Variants in ZNF679 observed in about 807,000 individuals in gnomAD.
ZNF679 encodes zinc finger protein 679.
A neutral mutation model predicts 13.4 loss-of-function variants in ZNF679; 10 were observed. The observed-to-expected ratio is 0.75, with a 90% CI of 0.46 to 1.27. The LOEUF is 1.27. Ranked by LOEUF, ZNF679 falls within the 50% of genes most tolerant of loss-of-function variation. The pLI, the probability that ZNF679 is intolerant of heterozygous loss-of-function variation, is 0.00. For missense variants in ZNF679, 525 were observed against 477.8 expected (o/e 1.10, Z -0.92); for synonymous variants, 179 against 162.5 (o/e 1.10, Z -0.77).
In ZNF679 at chr7:64,263,731, C is replaced by G. The variant is rs563229118; in HGVS notation, c.263-2165C>G. 1.1e-4 allele frequency among the ~76,000 whole-genome samples: 16 copies of G among 152,286 alleles called. No individual in the cohort carries two copies. The South Asian group carries it at 3.3e-3, about 32-fold the overall frequency. On this transcript the variant is annotated intron_variant, in intron 4 of 4. Transcript: ENST00000421025. ...ATGTTTGGTTCTTTTTTGCCTTCCACTATAATTGTAAGCTTCCTCATATCC... is the reference window on the plus strand; with the variant it reads ...ATGTTTGGTTCTTTTTTGCCTTCCAGTATAATTGTAAGCTTCCTCATATCC...
chr7:64,249,408 G>T (rs928573800), intron 2 of ZNF679, among the ~76,000 whole-genome samples: 3 of 152,130 alleles, frequency 2.0e-5, no homozygotes, highest in African/African-American at 7.2e-5. Flanking sequence ...GGGCAGCTCT[G>T]CACTCCCAGC....
chr7:64,260,796 A>G (rs1435684676), intron 3 of ZNF679, 38 bp from the exon 4 acceptor site: 2 of 1,570,042 alleles, frequency 1.3e-6, no homozygotes, highest in Non-Finnish European at 1.7e-6. Context: ...TAAAGAATTC[A>G]GCAAGATTTA....
rs544103312 is a variant in ZNF679 at position 64,258,716 on chromosome 7, A to T, written c.40-1505A>T. 3.2e-3 allele frequency among the ~76,000 whole-genome samples: 489 copies of T among 150,816 alleles called. 3 individuals carry two copies. Among genetic ancestry groups the T allele is most frequent in the Non-Finnish European group, 5.8e-3 (390 of 67,710 alleles). On this transcript the variant is annotated intron_variant, in intron 2 of 4. Transcript: ENST00000421025. The stretch of plus-strand genomic sequence containing the variant: ...ATGGTCTCAAAAAAAAAAAAAAAAA[A>T]TGCAGTGTCCACTCTGCCTTTGGAA...
chr7:64,257,064 T>TTAGTTTGAAG (rs1788014019), intron 2 of ZNF679, among the ~76,000 whole-genome samples: 1 of 150,622 alleles, frequency 6.6e-6, no homozygotes, highest in Admixed American at 6.6e-5. Context: ...TTATTTGAAG[T>TTAGTTTGAAG]TAGTTTGAAG....
chr7:64,264,903 A>G (rs559404809), intron 4 of ZNF679, among the ~76,000 whole-genome samples: 2 of 150,790 alleles, frequency 1.3e-5, no homozygotes, highest in Non-Finnish European at 3.0e-5. Flanking sequence ...TTACTTCTAA[A>G]TTTTTTCACT....
intron 2 of ZNF679, 56 bp from the exon 3 acceptor site, chr7:64,260,165 A>G (rs751713219): frequency 3.3e-6 from 5 of 1,493,688 alleles, no homozygotes; most frequent in Non-Finnish European, 3.6e-6. Flanking sequence ...CTACGGCCAC[A>G]TAGTAAGTGT....
chr7:64,245,634 A>T (rs1787859277), intron 1 of ZNF679, among the ~76,000 whole-genome samples: 1 of 152,068 alleles, frequency 6.6e-6, no homozygotes, highest in Non-Finnish European at 1.5e-5. Flanking sequence ...AGGGAGGAAA[A>T]AGCTCCCCTT....
At chr7:64,239,024 C>T (rs990782362) in intron 1 of ZNF679, among the ~76,000 whole-genome samples, 3 of 152,046 alleles carry the variant, frequency 2.0e-5, no homozygotes, top group African/African-American at 7.2e-5. Context: ...TCCAATAAAC[C>T]CCGTGGGTGG....
At chr7:64,253,354 A>T (rs1395549440) in intron 2 of ZNF679, among the ~76,000 whole-genome samples, 1 of 152,172 alleles carries the variant, frequency 6.6e-6, no homozygotes, top group Non-Finnish European at 1.5e-5. Flanking sequence ...AGTCTGCAAA[A>T]GGAGGTTAAT....
chr7:64,246,654 C>T (rs993707242), intron 1 of ZNF679, among the ~76,000 whole-genome samples: 11 of 151,942 alleles, frequency 7.2e-5, no homozygotes, highest in Non-Finnish European at 1.3e-4. Flanking sequence ...ACCCGGGAGG[C>T]AGAGGTTGCA....
At chr7:64,241,717 G>C (rs1300887809) in intron 1 of ZNF679, among the ~76,000 whole-genome samples, 1 of 152,190 alleles carries the variant, frequency 6.6e-6, no homozygotes, top group Non-Finnish European at 1.5e-5. Context: ...CTAAGGATAG[G>C]ACCCAGGCCG....
intron 4 of ZNF679, among the ~76,000 whole-genome samples, chr7:64,264,567 A>G (rs1788119963): frequency 6.6e-6 from 1 of 152,038 alleles, no homozygotes. Flanking sequence ...CAGTGCTTAT[A>G]TGCTTTTCCA....
intron 1 of ZNF679, among the ~76,000 whole-genome samples, chr7:64,243,791 G>A (rs1383374836): frequency 2.0e-5 from 3 of 152,180 alleles, no homozygotes; most frequent in African/African-American, 4.8e-5. Context: ...TCACAATCAC[G>A]TCTGTGAAAA....
In ZNF679 at chr7:64,266,655, A is replaced by C. The variant is rs749341027; in HGVS notation, c.1022A>C (p.Lys341Thr). The C allele has an allele frequency of 1.2e-6, 2 of 1,613,750 alleles. No homozygotes were observed. Among genetic ancestry groups the C allele is most frequent in the African/African-American group, 1.3e-5 (1 of 75,034 alleles). ...TTTAACTGCTCCTCAACCCTTAAGA[A>C]ACATAAGATAATTCATACTGGAGAG... ...KAFNCSSTLK[K>T]HKIIHTGEKP... The change falls in exon 5 of 5, where the codon AAA becomes ACA. Residue 341 changes from lysine to threonine, a missense_variant. Physicochemically the swap from Lys to Thr is moderately conservative, Grantham distance 78. Coordinates refer to ENST00000421025, the MANE Select transcript of ZNF679 (RefSeq NM_153363.3).
At chr7:64,245,851 C>CA (rs1787861824) in intron 1 of ZNF679, among the ~76,000 whole-genome samples, 1 of 152,100 alleles carries the variant, frequency 6.6e-6, no homozygotes, top group Non-Finnish European at 1.5e-5. Flanking sequence ...ACTAAGAGTA[C>CA]AAAAATTATC....
chr7:64,240,068 G>A (rs1787777556), intron 1 of ZNF679, among the ~76,000 whole-genome samples: 1 of 152,134 alleles, frequency 6.6e-6, no homozygotes, highest in Non-Finnish European at 1.5e-5. Flanking sequence ...CCCTGGTCAT[G>A]GAACTGTACT....
intron 1 of ZNF679, among the ~76,000 whole-genome samples, chr7:64,231,802 T>C (rs1259158643): frequency 2.0e-5 from 3 of 152,008 alleles, no homozygotes; most frequent in East Asian, 1.9e-4. Context: ...ATTTCAACTA[T>C]TGGCTGGGCC....
At chr7:64,248,377 G>A (rs1034434538) in intron 1 of ZNF679, among the ~76,000 whole-genome samples, 4 of 152,002 alleles carry the variant, frequency 2.6e-5, no homozygotes, top group Non-Finnish European at 5.9e-5. Context: ...CCCCCTCCCG[G>A]GTTCAAGCGA....
intron 4 of ZNF679, among the ~76,000 whole-genome samples, chr7:64,265,039 A>G: frequency 6.6e-6 from 1 of 151,928 alleles, no homozygotes. Context: ...AATATGGATT[A>G]TCTTATGTTT....
Sources: gnomAD v4.1 joint callset for allele counts (sites outside exome capture counted in the v4.1 genomes callset) on GRCh38, gnomAD v4.1.1 for gene constraint, MANE v1.5 for transcripts, NCBI Gene and HGNC (gene_info 2026-07-23, HGNC 2026-07-21) for gene names.